COL28A1: variants seen among roughly 807,000 people sequenced by gnomAD.
COL28A1 encodes collagen type XXVIII alpha 1 chain, also known as collagen alpha-1(XXVIII) chain.
A neutral mutation model predicts 150.2 loss-of-function variants in COL28A1; 161 were observed. That is an observed-to-expected ratio of 1.07 (90% CI 0.94 to 1.22). The LOEUF (loss-of-function observed/expected upper bound fraction) is 1.22. Ranked by LOEUF, COL28A1 falls within the 50% of genes most tolerant of loss-of-function variation. The pLI is 0.00. For synonymous variants in COL28A1, 552 were observed against 469.7 expected, an observed-to-expected ratio of 1.18 and a Z score of -2.26; for missense variants, 1,617 against 1,388.3, an observed-to-expected ratio of 1.16 and a Z score of -2.62.
intron 33 of COL28A1, among the ~76,000 whole-genome samples, chr7:7,363,934 C>A (rs1780803042): frequency 6.6e-6 from 1 of 152,096 alleles, no homozygotes; most frequent in Admixed American, 6.5e-5. Flanking sequence ...AGGTGAGCCA[C>A]CACGCCCAGC....
At chr7:7,429,033 A>G (rs1337972734) in intron 25 of COL28A1, among the ~76,000 whole-genome samples, 2 of 152,158 alleles carry the variant, frequency 1.3e-5, no homozygotes, top group Non-Finnish European at 2.9e-5. Flanking sequence ...CATATGCTAA[A>G]CACATGTGAC....
At chr7:7,426,876 T>G (rs543110415) in intron 25 of COL28A1, among the ~76,000 whole-genome samples, 1 of 152,304 alleles carries the variant, frequency 6.6e-6, no homozygotes, top group South Asian at 2.1e-4. Flanking sequence ...CTTGAAAACA[T>G]AAATATTGAT....
chr7:7,501,465 C>T (rs1228434891), intron 11 of COL28A1, among the ~76,000 whole-genome samples: 1 of 152,052 alleles, frequency 6.6e-6, no homozygotes, highest in African/African-American at 2.4e-5. Flanking sequence ...TCCCAAGGCA[C>T]AAAGAGAGTC....
chr7:7,527,761 G>A (rs1261186389), intron 3 of COL28A1, among the ~76,000 whole-genome samples: 1 of 152,148 alleles, frequency 6.6e-6, no homozygotes, highest in Non-Finnish European at 1.5e-5. Flanking sequence ...TACTATATAT[G>A]CAAAACCAGA....
At chr7:7,377,681 G>A (rs1440613817) in intron 30 of COL28A1, among the ~76,000 whole-genome samples, 1 of 152,026 alleles carries the variant, frequency 6.6e-6, no homozygotes, top group African/African-American at 2.4e-5. Context: ...TGAAGAGTGT[G>A]AACTTTCTCC....
Position 7,453,523 on chromosome 7 carries a change from T to C in COL28A1, c.1372-15A>G. On this transcript the variant is annotated splice_polypyrimidine_tract_variant and intron_variant, in intron 16 of 34. Coordinates refer to ENST00000399429, the MANE Select transcript of COL28A1 (RefSeq NM_001037763.3). ...CCTTGGATTCCCTTTAAAATAAAAT[T>C]TTATAAAATAGTGTTAGTGAAATGA... 1.0e-6 allele frequency: 1 copy of C among 965,170 alleles called. No homozygotes were observed. Among genetic ancestry groups the C allele is most frequent in the Non-Finnish European group, 1.7e-6 (1 of 597,150 alleles). 59.8% of individuals were successfully genotyped at this position (965,170 alleles called of 1,614,324 possible). A position where few individuals can be genotyped will look rare whatever the true frequency, so the allele number is the denominator to read the frequency against.
chr7:7,456,934 T>C (rs1276410736), intron 15 of COL28A1, among the ~76,000 whole-genome samples: 1 of 152,190 alleles, frequency 6.6e-6, no homozygotes, highest in African/African-American at 2.4e-5. Flanking sequence ...ATGAAGTCAC[T>C]GACGAGAGGG....
chr7:7,378,711 C>T (rs957333719), intron 30 of COL28A1, among the ~76,000 whole-genome samples: 3 of 152,270 alleles, frequency 2.0e-5, no homozygotes, highest in South Asian at 2.1e-4. Flanking sequence ...GGCTCTGCTA[C>T]GTGCCAGCTA....
intron 25 of COL28A1, among the ~76,000 whole-genome samples, chr7:7,429,237 G>A (rs763859688): frequency 6.6e-6 from 1 of 151,982 alleles, no homozygotes; most frequent in Non-Finnish European, 1.5e-5. Flanking sequence ...CAGTTTCACT[G>A]TCATTTTAAC....
chr7:7,391,755 G>T (rs374148185), intron 27 of COL28A1, among the ~76,000 whole-genome samples: 12 of 141,394 alleles, frequency 8.5e-5, no homozygotes, highest in East Asian at 8.2e-4. Flanking sequence ...TTTGATCTTT[G>T]TTGATTTAAA....
intron 31 of COL28A1, among the ~76,000 whole-genome samples, chr7:7,374,015 C>T (rs1583236635): frequency 1.0e-5 from 1 of 95,704 alleles, no homozygotes; most frequent in African/African-American, 5.4e-5. Context: ...GGTTTCTATA[C>T]TTGACTCTTA....
chr7:7,515,261 C>CCTAA (rs1423589644), intron 8 of COL28A1, among the ~76,000 whole-genome samples: 1 of 152,176 alleles, frequency 6.6e-6, no homozygotes, highest in Non-Finnish European at 1.5e-5. Context: ...AGTTTGGTAT[C>CCTAA]CTAACTTGTA....
chr7:7,508,229 C>T (rs553516689), intron 9 of COL28A1, among the ~76,000 whole-genome samples: 4 of 146,854 alleles, frequency 2.7e-5, no homozygotes, highest in South Asian at 2.1e-4. Flanking sequence ...GAGACTCTGT[C>T]TCAAAAAAAA....
chr7:7,361,296 C>A (rs1780640075), intron 33 of COL28A1, among the ~76,000 whole-genome samples: 1 of 151,718 alleles, frequency 6.6e-6, no homozygotes, highest in African/African-American at 2.4e-5. Context: ...AGGCATTTTA[C>A]TTTTTTTTTA....
At chr7:7,482,194 A>C (rs1450604484) in intron 13 of COL28A1, among the ~76,000 whole-genome samples, 1 of 152,216 alleles carries the variant, frequency 6.6e-6, no homozygotes, top group Non-Finnish European at 1.5e-5. Flanking sequence ...TGTCAGCCCT[A>C]AGATAAGTCT....
chr7:7,534,854 C>T (rs1053713603), intron 1 of COL28A1, among the ~76,000 whole-genome samples: 1 of 152,120 alleles, frequency 6.6e-6, no homozygotes, highest in Non-Finnish European at 1.5e-5. Flanking sequence ...TAATCTAGCT[C>T]TCCCAAACCA....
intron 11 of COL28A1, among the ~76,000 whole-genome samples, chr7:7,505,025 G>C (rs954476263): frequency 2.0e-5 from 3 of 152,182 alleles, no homozygotes; most frequent in African/African-American, 7.2e-5. Context: ...TCATAGGCAA[G>C]AAGTGAAAAA....
intron 32 of COL28A1, among the ~76,000 whole-genome samples, chr7:7,372,719 C>G (rs1212323030): frequency 6.6e-6 from 1 of 152,176 alleles, no homozygotes; most frequent in African/African-American, 2.4e-5. Flanking sequence ...CTCCCAAGTC[C>G]TATTCTTTCT....
chr7:7,507,734 G>C (rs1248443003), intron 9 of COL28A1, among the ~76,000 whole-genome samples: 1 of 151,292 alleles, frequency 6.6e-6, no homozygotes, highest in African/African-American at 2.4e-5. Flanking sequence ...GCTTATCAAA[G>C]TACAACCTGT....
Sources: gnomAD v4.1 joint callset for allele counts (sites outside exome capture counted in the v4.1 genomes callset) on GRCh38, gnomAD v4.1.1 for gene constraint, MANE v1.5 for transcripts, NCBI Gene and HGNC (gene_info 2026-07-23, HGNC 2026-07-21) for gene names.